FAM227B: variants seen among roughly 807,000 people sequenced by gnomAD.
FAM227B encodes the protein protein FAM227B.
A neutral mutation model predicts 73.8 loss-of-function variants in FAM227B; 88 were observed. The ratio of observed to expected loss-of-function variants is 1.19; its 90% CI spans 1.00 to 1.42. The LOEUF is 1.42. FAM227B is among the 40% of genes most tolerant of loss of function. The pLI, the probability that FAM227B is intolerant of heterozygous loss-of-function variation, is 0.00. For missense variants in FAM227B, 632 were observed against 590.9 expected, an observed-to-expected ratio of 1.07 and a Z score of -0.72; for synonymous variants, 210 against 190.5, an observed-to-expected ratio of 1.10 and a Z score of -0.84.
chr15:49,510,721 C>T (rs1005210247), intron 10 of FAM227B, among the ~76,000 whole-genome samples: 3 of 152,154 alleles, frequency 2.0e-5, no homozygotes, highest in East Asian at 1.9e-4. Context: ...CATTAATTTA[C>T]GCCTTATTTT....
intron 10 of FAM227B, among the ~76,000 whole-genome samples, chr15:49,515,826 AC>A (rs1567458187): frequency 6.6e-6 from 1 of 152,196 alleles, no homozygotes; most frequent in Non-Finnish European, 1.5e-5. Context: ...ATTTTTATAC[AC>A]TACTTTCCCC....
chr15:49,554,786 A>G (rs768350342), intron 9 of FAM227B, among the ~76,000 whole-genome samples: 9 of 152,082 alleles, frequency 5.9e-5, no homozygotes, highest in Non-Finnish European at 1.2e-4. Context: ...TTTTTTATGA[A>G]GGTGTTTTTT....
intron 10 of FAM227B, among the ~76,000 whole-genome samples, chr15:49,529,430 A>G (rs2060449618): frequency 6.6e-6 from 1 of 151,820 alleles, no homozygotes; most frequent in Admixed American, 6.6e-5. Flanking sequence ...TGCACAATAT[A>G]TCTATGTAAC....
chr15:49,417,636 G>A (rs1220590139), intron 11 of FAM227B, among the ~76,000 whole-genome samples: 2 of 152,122 alleles, frequency 1.3e-5, no homozygotes, highest in Non-Finnish European at 2.9e-5. Flanking sequence ...GACTGAAGCT[G>A]GACCCCTTCC....
In FAM227B at chr15:49,575,060, A is replaced by G. The variant is rs773437551; in HGVS notation, c.596T>C (p.Ile199Thr). 54 of 1,602,846 alleles carry G rather than the reference A, an allele frequency of 3.4e-5. 1 individual carries two copies. The South Asian group carries it at 4.7e-4, about 14-fold the overall frequency. ...CCAAAAGGAGTCATGCAAAAGAGCA[A>G]TGGAGGCTTCTGAGAGAAAATGAGT... is the stretch of plus-strand genomic sequence containing the variant. ...WKTHFLSEAS[I>T]ALLHDSFWWW... The change falls in exon 8 of 16, where the codon ATT (isoleucine) becomes ACT (threonine). Residue 199 changes from isoleucine (I) to threonine (T), a missense_variant. Coordinates refer to ENST00000299338, the MANE Select transcript of FAM227B (RefSeq NM_152647.3).
intron 11 of FAM227B, among the ~76,000 whole-genome samples, chr15:49,455,941 G>C (rs2053243995): frequency 1.3e-5 from 2 of 152,014 alleles, no homozygotes; most frequent in African/African-American, 4.8e-5. Flanking sequence ...TACAGAATGG[G>C]AACTATGTTG....
At position 49,506,248 on chromosome 15, in the gene FAM227B, G is replaced by A. The variant is rs564222649; in HGVS notation, c.1012+1963C>T. ...GGTGAGCAAAATTTTTCTATAAAAA[G>A]CAAGTCAGTATTGTAGGATTTTCAG... On this transcript the variant is annotated intron_variant, in intron 11 of 15. Coordinates refer to ENST00000299338, the MANE Select transcript of FAM227B (RefSeq NM_152647.3). Among the ~76,000 whole-genome samples the A allele has an allele frequency of 3.3e-5, 5 of 152,022 alleles. 1 individual carries two copies. The South Asian group carries it at 1.0e-3, about 32-fold the overall frequency.
intron 10 of FAM227B, among the ~76,000 whole-genome samples, chr15:49,511,624 A>G (rs954078402): frequency 2.0e-5 from 3 of 152,038 alleles, no homozygotes; most frequent in Non-Finnish European, 2.9e-5. Flanking sequence ...TGCATCCCCA[A>G]TAGGCCCTAG....
chr15:49,391,511 A>G (rs781614389), intron 11 of FAM227B, among the ~76,000 whole-genome samples: 1 of 152,098 alleles, frequency 6.6e-6, no homozygotes, highest in Admixed American at 6.6e-5. Context: ...GGCCAACCAC[A>G]GTCACACAGA....
At chr15:49,456,317 AT>A in intron 11 of FAM227B, among the ~76,000 whole-genome samples, 1 of 152,104 alleles carries the variant, frequency 6.6e-6, no homozygotes, top group East Asian at 1.9e-4. Flanking sequence ...GCAGAGTTCT[AT>A]TTAGAAGTTG....
chr15:49,590,645 A>G (rs2076467283), intron 3 of FAM227B, among the ~76,000 whole-genome samples: 1 of 152,208 alleles, frequency 6.6e-6, no homozygotes, highest in African/African-American at 2.4e-5. Flanking sequence ...CAAAAAGGTA[A>G]TTAACATATC....
At chr15:49,364,643 T>C (rs2044811162) in intron 13 of FAM227B, among the ~76,000 whole-genome samples, 1 of 152,220 alleles carries the variant, frequency 6.6e-6, no homozygotes, top group Non-Finnish European at 1.5e-5. Context: ...TTTATATTTC[T>C]AACCTCTGCA....
intron 13 of FAM227B, among the ~76,000 whole-genome samples, chr15:49,349,495 C>T (rs1289502277): frequency 6.6e-6 from 1 of 151,970 alleles, no homozygotes; most frequent in Non-Finnish European, 1.5e-5. Flanking sequence ...TATGCCTTGC[C>T]AATATTTTTA....
intron 9 of FAM227B, among the ~76,000 whole-genome samples, chr15:49,567,215 T>C (rs1455761166): frequency 6.6e-6 from 1 of 152,170 alleles, no homozygotes; most frequent in Admixed American, 6.6e-5. Context: ...TGCCTAATCA[T>C]TAACTTTTTG....
chr15:49,489,787 G>GATATATATATATATTTTATAT (rs2056735710), intron 11 of FAM227B, among the ~76,000 whole-genome samples: 2 of 78,114 alleles, frequency 2.6e-5, no homozygotes, highest in African/African-American at 4.1e-5. Flanking sequence ...CAGAACAGGA[G>GATATATATATATATTTTATAT]ATATATATAT....
intron 11 of FAM227B, among the ~76,000 whole-genome samples, chr15:49,496,260 T>C (rs1350322770): frequency 6.6e-6 from 1 of 152,134 alleles, no homozygotes; most frequent in Non-Finnish European, 1.5e-5. Flanking sequence ...GATAGTTAAA[T>C]ATAAGGATTT....
chr15:49,341,171 G>A (rs1355388199), intron 13 of FAM227B, among the ~76,000 whole-genome samples: 1 of 152,146 alleles, frequency 6.6e-6, no homozygotes, highest in Admixed American at 6.5e-5. Flanking sequence ...CTGTAGCCTT[G>A]TAGTATAGTT....
chr15:49,438,233 C>T (rs938366586), intron 11 of FAM227B, among the ~76,000 whole-genome samples: 1 of 151,678 alleles, frequency 6.6e-6, no homozygotes, highest in Non-Finnish European at 1.5e-5. Context: ...AGTAGAAGCA[C>T]TAACTAATCA....
chr15:49,473,724 AT>A (rs1367361065), intron 11 of FAM227B, among the ~76,000 whole-genome samples: 1 of 152,146 alleles, frequency 6.6e-6, no homozygotes, highest in African/African-American at 2.4e-5. Flanking sequence ...AAGTGAGCTA[AT>A]TTTTTTAAAG....
Sources: allele counts gnomAD v4.1 joint callset (sites outside exome capture counted in the v4.1 genomes callset), GRCh38; gene constraint gnomAD v4.1.1; transcripts MANE v1.5; gene names NCBI Gene and HGNC (gene_info 2026-07-23, HGNC 2026-07-21).